The following LRP1B variants were observed in gnomAD, a reference collection of about 807,000 sequenced individuals.
The protein encoded by LRP1B is LDL receptor related protein 1B.
In LRP1B, 217 loss-of-function variants were observed where a neutral mutation model predicts 556.6. The ratio of observed to expected loss-of-function variants is 0.39; its 90% confidence interval spans 0.35 to 0.44. LRP1B has a LOEUF of 0.44. Among genes scored for constraint, LRP1B ranks in the 20% least tolerant of loss-of-function variants. The probability of loss-of-function intolerance (pLI) is 1.00; values close to 1 mark genes in which losing one functional copy is unlikely to be tolerated. For missense variants in LRP1B, 5,053 were observed against 5,620.8 expected, an observed-to-expected ratio of 0.90 and a Z score of 3.23; for synonymous variants, 2,047 against 1,865.8, an observed-to-expected ratio of 1.10 and a Z score of -2.50.
At chr2:140,403,736 T>TG (rs1321962797) in intron 66 of LRP1B, among the ~76,000 whole-genome samples, 1 of 152,174 alleles carries the variant, frequency 6.6e-6, no homozygotes, top group Non-Finnish European at 1.5e-5. Flanking sequence ...TCCCTGGCCT[T>TG]GCTAGAGATT....
intron 3 of LRP1B, among the ~76,000 whole-genome samples, chr2:141,373,605 T>TTA (rs1689316641): frequency 6.6e-6 from 1 of 151,910 alleles, no homozygotes; most frequent in East Asian, 1.9e-4. Context: ...ACCTTTTTTT[T>TTA]AACTGTGTTT....
At chr2:141,890,516 T>C (rs1289263057) in intron 1 of LRP1B, among the ~76,000 whole-genome samples, 1 of 151,586 alleles carries the variant, frequency 6.6e-6, no homozygotes, top group Non-Finnish European at 1.5e-5. Flanking sequence ...AATATGTTGG[T>C]GAATGGAAGT....
chr2:141,039,220 T>C lies in LRP1B; in HGVS notation c.1789+9766A>G, dbSNP rs116224669. ...CTTACTGGCCACCCAGGTTGTAAGA[T>C]TGACAGACCACAAGAAGAGTGAGTA... On this transcript the variant is annotated intron_variant, in intron 11 of 90. Coordinates refer to ENST00000389484, the MANE Select transcript of LRP1B (RefSeq NM_018557.3). 9.5e-3 allele frequency among the ~76,000 whole-genome samples: 1,445 copies of C among 152,224 alleles called. 16 individuals are homozygous for C. Among genetic ancestry groups the C allele is most frequent in the African/African-American group, 0.031 (1,292 of 41,564 alleles).
intron 84 of LRP1B, among the ~76,000 whole-genome samples, chr2:140,294,312 G>A (rs1683515273): frequency 6.6e-6 from 1 of 152,158 alleles, no homozygotes; most frequent in African/African-American, 2.4e-5. Flanking sequence ...TACATTTAAA[G>A]TAAATTGATC....
intron 1 of LRP1B, among the ~76,000 whole-genome samples, chr2:141,965,809 A>C (rs1558991568): frequency 6.7e-6 from 1 of 148,614 alleles, no homozygotes; most frequent in Non-Finnish European, 1.5e-5. Context: ...AAAAAAAAAA[A>C]AAAAGAAAAT....
chr2:141,813,035 T>C (rs2105713252), intron 1 of LRP1B, among the ~76,000 whole-genome samples: 1 of 152,242 alleles, frequency 6.6e-6, no homozygotes. Flanking sequence ...AAATAGTGAA[T>C]GTTTTACAGT....
intron 1 of LRP1B, among the ~76,000 whole-genome samples, chr2:141,856,629 T>G (rs1698060934): frequency 6.6e-6 from 1 of 152,152 alleles, no homozygotes; most frequent in Non-Finnish European, 1.5e-5. Flanking sequence ...TTTCTTGCAT[T>G]TTTAAAAATG....
At chr2:140,595,477 T>C (rs1051738716) in intron 43 of LRP1B, among the ~76,000 whole-genome samples, 1 of 152,090 alleles carries the variant, frequency 6.6e-6, no homozygotes, top group African/African-American at 2.4e-5. Flanking sequence ...AGAATTATCA[T>C]TAAAATGTCG....
chr2:140,616,136 C>T (rs1290700277), intron 41 of LRP1B, among the ~76,000 whole-genome samples: 1 of 151,864 alleles, frequency 6.6e-6, no homozygotes, highest in Non-Finnish European at 1.5e-5. Flanking sequence ...AATGATGGAG[C>T]TATTAATAGT....
chr2:140,582,073 G>A (rs1235988550), intron 43 of LRP1B, among the ~76,000 whole-genome samples: 2 of 152,062 alleles, frequency 1.3e-5, no homozygotes, highest in African/African-American at 4.8e-5. Flanking sequence ...AGAGAACATG[G>A]TCGTGACACA....
At chr2:141,611,777 G>C (rs949085977) in intron 2 of LRP1B, among the ~76,000 whole-genome samples, 3 of 152,130 alleles carry the variant, frequency 2.0e-5, no homozygotes, top group Non-Finnish European at 4.4e-5. Context: ...TCTGGGAAAC[G>C]TTTTCACCTG....
chr2:140,405,983 A>T (rs1042601899), intron 66 of LRP1B, among the ~76,000 whole-genome samples: 2 of 152,168 alleles, frequency 1.3e-5, no homozygotes, highest in East Asian at 3.8e-4. Flanking sequence ...CATCAAAAAG[A>T]TAATACATCA....
intron 2 of LRP1B, among the ~76,000 whole-genome samples, chr2:141,505,503 C>T (rs1173898180): frequency 6.6e-6 from 1 of 151,990 alleles, no homozygotes; most frequent in Non-Finnish European, 1.5e-5. Context: ...GTGAAATTTT[C>T]ACAATGAAGC....
chr2:140,269,681 G>C (rs765220665), intron 86 of LRP1B, among the ~76,000 whole-genome samples: 3 of 151,856 alleles, frequency 2.0e-5, no homozygotes, highest in Non-Finnish European at 4.4e-5. Flanking sequence ...AGATCATGGA[G>C]GGGGGAAAAT....
At chr2:141,432,879 C>CAATTGA (rs1680614337) in intron 3 of LRP1B, among the ~76,000 whole-genome samples, 2 of 151,942 alleles carry the variant, frequency 1.3e-5, no homozygotes, top group African/African-American at 4.8e-5. Flanking sequence ...GATCTTCTCT[C>CAATTGA]TCTTTTTCAT....
Position 141,467,914 on chromosome 2 carries a change from C to A in LRP1B, c.343+12482G>T, listed in dbSNP as rs114324661. ...GTTGTTCTGCAAAGCAATCCCTACA[C>A]CTTTACACTCTATCACTCCCTCATG... On this transcript the variant is annotated intron_variant, in intron 3 of 90. Transcript: ENST00000389484. 7.6e-3 allele frequency among the ~76,000 whole-genome samples: 1,155 copies of A among 151,512 alleles called. 16 individuals carry two copies. The highest frequency in any genetic ancestry group is 0.026 in the African/African-American group (1,092 of 41,288).
Position 141,181,397 on chromosome 2 carries a change from T to A in LRP1B, c.1013+7024A>T, listed in dbSNP as rs1157440943. ...TTGTTTTTCTGTTACTTTACCTATTTGAGTGGACAGCATTAACTAGTGGTA... is the reference window on the plus strand; with the variant it reads ...TTGTTTTTCTGTTACTTTACCTATTAGAGTGGACAGCATTAACTAGTGGTA... On this transcript the variant is annotated intron_variant, in intron 7 of 90. Coordinates refer to ENST00000389484, the MANE Select transcript of LRP1B (RefSeq NM_018557.3). Among the ~76,000 whole-genome samples, 5 of 152,106 alleles carry A rather than the reference T, an allele frequency of 3.3e-5. No homozygotes were observed. The East Asian group carries it at 7.7e-4, about 24-fold the overall frequency.
chr2:141,544,989 T>A (rs1219747276), intron 2 of LRP1B, among the ~76,000 whole-genome samples: 2 of 152,134 alleles, frequency 1.3e-5, no homozygotes, highest in East Asian at 3.9e-4. Context: ...CCCCGTTAAG[T>A]GTTTAAATTT....
At chr2:140,789,617 A>ATTTT (rs1690035095) in intron 32 of LRP1B, among the ~76,000 whole-genome samples, 2 of 85,202 alleles carry the variant, frequency 2.3e-5, no homozygotes, top group Non-Finnish European at 5.0e-5. Flanking sequence ...AGCTTTAAGG[A>ATTTT]CTTTTTTTTT....
Sources: gnomAD v4.1 joint callset for allele counts (sites outside exome capture counted in the v4.1 genomes callset) on GRCh38, gnomAD v4.1.1 for gene constraint, MANE v1.5 for transcripts, NCBI Gene and HGNC (gene_info 2026-07-23, HGNC 2026-07-21) for gene names.